KAT14: variants seen among roughly 807,000 people sequenced by gnomAD.
The protein encoded by KAT14 is lysine acetyltransferase 14.
Under a neutral mutation model 78.4 loss-of-function variants are expected in KAT14, and 66 were observed. The ratio of observed to expected loss-of-function variants is 0.84; its 90% CI spans 0.69 to 1.03. The LOEUF is 1.03. Among genes scored for constraint, KAT14 ranks in the 50% least tolerant of loss-of-function variants. The pLI is 0.00. For missense variants in KAT14, 870 were observed against 972.5 expected (o/e 0.89, Z 1.40); for synonymous variants, 344 against 359.4 (o/e 0.96, Z 0.48).
chr20:18,140,340 C>T (rs377257269), intron 1 of KAT14, among the ~76,000 whole-genome samples: 10 of 151,882 alleles, frequency 6.6e-5, no homozygotes, highest in African/African-American at 2.4e-4. Context: ...ATATCAATCC[C>T]GGGACTCCTT....
At position 18,137,990 on chromosome 20, in the gene KAT14, C is replaced by G; in HGVS notation, c.-515C>G. Reference sequence around the variant, plus strand: ...AGCTCGAAGGTGGTGCTGGGCCTCTCGGTGCTGCTGACGGCGGCCACAGTG... The same window carrying G: ...AGCTCGAAGGTGGTGCTGGGCCTCTGGGTGCTGCTGACGGCGGCCACAGTG... On this transcript the variant is annotated 5_prime_UTR_variant, in exon 1 of 11. Coordinates refer to ENST00000688188, the MANE Select transcript of KAT14 (RefSeq NM_001392073.1). 1 of 1,506,414 alleles carries G rather than the reference C, an allele frequency of 6.6e-7. No individual in the cohort carries two copies. Among genetic ancestry groups the G allele is most frequent in the Non-Finnish European group, 8.8e-7 (1 of 1,134,240 alleles). The allele number at this position is 1,506,414 out of a possible 1,614,324, so 93.3% of individuals were successfully genotyped here.
chr20:18,141,815 T>C (rs567206045), intron 1 of KAT14, among the ~76,000 whole-genome samples: 7 of 151,952 alleles, frequency 4.6e-5, no homozygotes, highest in Non-Finnish European at 1.0e-4. Context: ...ACCCAGGAGG[T>C]GGAGGTTGCG....
chr20:18,143,324 GAA>G (rs34060037), intron 2 of KAT14, among the ~76,000 whole-genome samples: 47,757 of 151,982 alleles, frequency 0.31, 7,884 homozygotes, highest in Non-Finnish European at 0.34. Flanking sequence ...ATTGTATACT[GAA>G]AAGAGGTTAG....
At chr20:18,152,213 T>C (rs550352226) in intron 4 of KAT14, among the ~76,000 whole-genome samples, 11 of 151,916 alleles carry the variant, frequency 7.2e-5, no homozygotes, top group Non-Finnish European at 1.5e-4. Flanking sequence ...GAGACCAAGG[T>C]TGGAGGATCA....
At chr20:18,149,665 G>T (rs2037963908) in intron 3 of KAT14, among the ~76,000 whole-genome samples, 1 of 152,146 alleles carries the variant, frequency 6.6e-6, no homozygotes, top group South Asian at 2.1e-4. Flanking sequence ...ACAGCTACAG[G>T]ATGCTCTTTA....
chr20:18,174,063 G>T (rs1238240018), intron 7 of KAT14, among the ~76,000 whole-genome samples: 1 of 152,144 alleles, frequency 6.6e-6, no homozygotes, highest in Non-Finnish European at 1.5e-5. Context: ...CACATAAATG[G>T]AGTCATATAA....
upstream of KAT14, among the ~76,000 whole-genome samples, chr20:18,137,528 C>T (rs2146307483): frequency 6.6e-6 from 1 of 152,322 alleles, no homozygotes; most frequent in African/African-American, 2.4e-5. Flanking sequence ...GGCGAAGCTT[C>T]TGGATCAGTC....
chr20:18,156,461 T>C (rs1252016019), intron 4 of KAT14, among the ~76,000 whole-genome samples: 2 of 152,230 alleles, frequency 1.3e-5, no homozygotes, highest in Non-Finnish European at 2.9e-5. Context: ...TGTGTTTGTA[T>C]ATGTCCTGGC....
At chr20:18,181,364 C>CTTTTTTTTTTTTTTTTTT (rs762890490) in intron 7 of KAT14, among the ~76,000 whole-genome samples, 6 of 106,800 alleles carry the variant, frequency 5.6e-5, no homozygotes, top group African/African-American at 1.1e-4. Context: ...AATTTTGTTT[C>CTTTTTTTTTTTTTTTTTT]TTTTTTTTTT....
In KAT14 at chr20:18,174,996, A is replaced by T. The variant is rs549828734; in HGVS notation, c.1669-6714A>T. Among the ~76,000 whole-genome samples, 257 of 148,222 alleles carry T rather than the reference A, an allele frequency of 1.7e-3. 1 individual carries two copies. Among genetic ancestry groups the T allele is most frequent in the African/African-American group, 6.1e-3 (246 of 40,386 alleles). ...TTGCACTTTTTATTTATGGGTCTTG[A>T]TTTTTTTTTTCCCCGTGAGCTCATA... is the stretch of plus-strand genomic sequence containing the variant. On this transcript the variant is annotated intron_variant, in intron 7 of 10. Transcript: ENST00000688188.
At chr20:18,151,833 A>G (rs897201729) in intron 4 of KAT14, among the ~76,000 whole-genome samples, 1 of 151,430 alleles carries the variant, frequency 6.6e-6, no homozygotes, top group African/African-American at 2.4e-5. Context: ...GTGAAACCCC[A>G]TCTCTACTAA....
Position 18,151,769 on chromosome 20 carries a change from C to T in KAT14, c.500+827C>T, listed in dbSNP as rs574170736. Among the ~76,000 whole-genome samples, 204 of 151,386 alleles carry T rather than the reference C, an allele frequency of 1.3e-3. 1 individual carries two copies. Among genetic ancestry groups the T allele is most frequent in the Non-Finnish European group, 2.2e-3 (149 of 67,828 alleles). On this transcript the variant is annotated intron_variant, in intron 4 of 10. Transcript: ENST00000688188. ...CTGTAATCCCAGCACTTTGGGAGGC[C>T]GAGGTGGGTGGATCACCTGAGGTCA...
intron 4 of KAT14, among the ~76,000 whole-genome samples, chr20:18,152,002 C>CAA (rs201621092): frequency 2.7e-4 from 20 of 73,856 alleles, no homozygotes; most frequent in African/African-American, 5.6e-4. Context: ...GACTCCATCT[C>CAA]AAAAAAAAAA....
At chr20:18,144,919 G>T (rs2037766129) in intron 2 of KAT14, among the ~76,000 whole-genome samples, 1 of 152,148 alleles carries the variant, frequency 6.6e-6, no homozygotes, top group Non-Finnish European at 1.5e-5. Flanking sequence ...CATATTTTTT[G>T]AAAGAATGTG....
chr20:18,184,484 T>C (rs1300479731), intron 9 of KAT14, 118 bp from the exon 10 acceptor site: 1 of 845,048 alleles, frequency 1.2e-6, no homozygotes, highest in Non-Finnish European at 1.7e-6. Flanking sequence ...CCAGTTTTGG[T>C]GTTTTTTTTT....
intron 8 of KAT14, 29 bp from the exon 9 acceptor site, chr20:18,183,094 G>C (rs766815481): frequency 1.2e-5 from 19 of 1,578,650 alleles, no homozygotes; most frequent in Non-Finnish European, 1.6e-5. Context: ...TTCTTGACTT[G>C]AATTTGTTTA....
intron 3 of KAT14, among the ~76,000 whole-genome samples, chr20:18,146,310 G>A (rs1205219): frequency 3.2e-4 from 48 of 151,500 alleles, no homozygotes; most frequent in African/African-American, 1.2e-3. Flanking sequence ...AGGCGGAGGC[G>A]GCCAGATCAC....
chr20:18,159,012 AGTATACACAGACTGTCTTTTCTGTATAAT>A, intron 4 of KAT14, 43 bp from the exon 5 acceptor site: 2 of 1,508,302 alleles, frequency 1.3e-6, no homozygotes, highest in Non-Finnish European at 1.8e-6. Context: ...CAGGAGTCAC[AGTATACACAGACTGTCTTTTCTGTATAAT>A]GAGCAAAAGT....
At chr20:18,157,259 A>C (rs1333205870) in intron 4 of KAT14, among the ~76,000 whole-genome samples, 2 of 152,216 alleles carry the variant, frequency 1.3e-5, no homozygotes, top group African/African-American at 2.4e-5. Context: ...CCTGTCACCC[A>C]GGCTGGAGTG....
Sources: gnomAD v4.1 joint callset for allele counts (sites outside exome capture counted in the v4.1 genomes callset) on GRCh38, gnomAD v4.1.1 for gene constraint, MANE v1.5 for transcripts, NCBI Gene and HGNC (gene_info 2026-07-23, HGNC 2026-07-21) for gene names.